The following EPB41 variants were observed in gnomAD, a reference collection of about 807,000 sequenced individuals.
EPB41 encodes erythrocyte membrane protein band 4.1, also known as protein 4.1.
Under a neutral mutation model 108.0 loss-of-function variants are expected in EPB41, and 65 were observed. That is an observed-to-expected ratio of 0.60 (90% confidence interval 0.49 to 0.74). The LOEUF (loss-of-function observed/expected upper bound fraction) is 0.74. Among genes scored for constraint, EPB41 ranks in the 30% least tolerant of loss-of-function variants. The probability of loss-of-function intolerance (pLI) is 0.00; values close to 1 mark genes in which losing one functional copy is unlikely to be tolerated. For synonymous variants in EPB41, 336 were observed against 358.9 expected, an observed-to-expected ratio of 0.94 and a Z score of 0.72; for missense variants, 875 against 1,037.0, an observed-to-expected ratio of 0.84 and a Z score of 2.15.
intron 14 of EPB41, among the ~76,000 whole-genome samples, chr1:29,059,764 T>G (rs1646183825): frequency 6.6e-6 from 1 of 151,928 alleles, no homozygotes; most frequent in African/African-American, 2.4e-5. Flanking sequence ...GGTGACAGAG[T>G]AAGACCCTGT....
chr1:29,066,361 G>A (rs1181854144), intron 16 of EPB41, among the ~76,000 whole-genome samples: 1 of 151,830 alleles, frequency 6.6e-6, no homozygotes, highest in African/African-American at 2.4e-5. Context: ...GGAGATTGCA[G>A]TGAGCCGAGA....
chr1:28,951,641 C>A (rs1303974332), intron 1 of EPB41, among the ~76,000 whole-genome samples: 1 of 152,078 alleles, frequency 6.6e-6, no homozygotes, highest in Admixed American at 6.5e-5. Flanking sequence ...ATTACTTGAG[C>A]TCACAAGTTT....
intron 4 of EPB41, 51 bp from the exon 5 acceptor site, chr1:29,011,811 CTGT>C: frequency 6.2e-7 from 1 of 1,600,134 alleles, no homozygotes; most frequent in South Asian, 1.1e-5. Context: ...TTCCAGTACT[CTGT>C]TGTTTATGTG....
intron 16 of EPB41, chr1:29,065,635 G>A (rs1043318318): frequency 6.6e-6 from 1 of 152,452 alleles, no homozygotes; most frequent in African/African-American, 2.4e-5. Context: ...AGGCCCCTAA[G>A]CCAGAGAATT....
intron 1 of EPB41, among the ~76,000 whole-genome samples, chr1:28,967,267 C>G (rs2095381987): frequency 6.6e-6 from 1 of 152,184 alleles, no homozygotes; most frequent in East Asian, 1.9e-4. Context: ...ATCCACCCGC[C>G]TTGGCCTCCC....
Position 29,112,418 on chromosome 1 carries a change from C to T in EPB41, c.2466C>T (p.Ile822=). The T allele has an allele frequency of 6.2e-7, 1 of 1,613,772 alleles. No homozygotes were observed. Among genetic ancestry groups the T allele is most frequent in the Non-Finnish European group, 8.5e-7 (1 of 1,179,904 alleles). The change falls in exon 19 of 21, where the codon ATC becomes ATT. Residue 822 remains isoleucine, a synonymous_variant. Coordinates refer to ENST00000343067, the MANE Select transcript of EPB41 (RefSeq NM_001376013.1). Reference sequence around the variant, plus strand: ...CACGTATTGAAAAGAGAATTGTGATCACAGGAGATGCTGATATTGACCATG... The same window carrying T: ...CACGTATTGAAAAGAGAATTGTGATTACAGGAGATGCTGATATTGACCATG... The part of the protein sequence containing the change: ...SETRIEKRIV[I]TGDADIDHDQ...
chr1:29,003,752 AGG>A (rs1323216536), intron 4 of EPB41, among the ~76,000 whole-genome samples: 1 of 152,172 alleles, frequency 6.6e-6, no homozygotes, highest in Admixed American at 6.5e-5. Context: ...GCCTATTGCT[AGG>A]GTCTGGCAAG....
intron 11 of EPB41, among the ~76,000 whole-genome samples, chr1:29,047,253 CTTTTTT>C (rs755248112): frequency 9.9e-6 from 1 of 100,530 alleles, no homozygotes; most frequent in African/African-American, 5.1e-5. Context: ...TCTTTCTTTC[CTTTTTT>C]TTTTTTTTTT....
Position 29,043,237 on chromosome 1 carries a change from G to A in EPB41, c.1636+3811G>A, listed in dbSNP as rs1388271909. 2.6e-5 allele frequency among the ~76,000 whole-genome samples: 4 copies of A among 152,186 alleles called. No homozygotes were observed. The East Asian group carries it at 5.8e-4, about 22-fold the overall frequency. ...ATTAAGGAGTATTTCAGATTGGATG[G>A]TCCAATCTAATTTAGAAGGCTTCTT... On this transcript the variant is annotated intron_variant, in intron 11 of 20. Transcript: ENST00000343067.
chr1:29,028,554 A>G (rs1029976579), intron 7 of EPB41, among the ~76,000 whole-genome samples: 3 of 152,190 alleles, frequency 2.0e-5, no homozygotes, highest in African/African-American at 7.2e-5. Flanking sequence ...GGAGGGAGAC[A>G]CTGGCTGGCC....
chr1:29,024,793 A>G (rs565951815), intron 7 of EPB41, among the ~76,000 whole-genome samples: 5 of 152,166 alleles, frequency 3.3e-5, no homozygotes, highest in South Asian at 2.1e-4. Context: ...GGACAAATGG[A>G]TATAGTTCAG....
intron 12 of EPB41, among the ~76,000 whole-genome samples, chr1:29,056,821 C>T (rs1385347361): frequency 1.3e-5 from 2 of 152,150 alleles, no homozygotes; most frequent in East Asian, 1.9e-4. Flanking sequence ...CCACCGTACC[C>T]GGCTGGCCTC....
chr1:29,061,505 G>A (rs1034729425), intron 15 of EPB41, among the ~76,000 whole-genome samples: 3 of 149,910 alleles, frequency 2.0e-5, no homozygotes, highest in South Asian at 2.1e-4. Context: ...TCCTGACCTC[G>A]TGATTCGCCC....
At chr1:28,922,626 ATT>A (rs11353802) in intron 1 of EPB41, among the ~76,000 whole-genome samples, 266 of 127,224 alleles carry the variant, frequency 2.1e-3, no homozygotes, top group Admixed American at 4.3e-3. Flanking sequence ...TAGAGACAGG[ATT>A]TTTTTTTTTT....
chr1:29,056,193 C>T (rs1374818902), intron 12 of EPB41, among the ~76,000 whole-genome samples: 1 of 149,008 alleles, frequency 6.7e-6, no homozygotes, highest in Non-Finnish European at 1.5e-5. Flanking sequence ...GAGATCGCGC[C>T]GCTGCACTCC....
chr1:28,954,988 G>A (rs1282788803), intron 1 of EPB41, among the ~76,000 whole-genome samples: 2 of 152,092 alleles, frequency 1.3e-5, no homozygotes, highest in East Asian at 3.8e-4. Flanking sequence ...AATCACAACA[G>A]CATCTACATA....
At chr1:29,093,799 G>T (rs1356468532) in intron 16 of EPB41, among the ~76,000 whole-genome samples, 2 of 152,164 alleles carry the variant, frequency 1.3e-5, no homozygotes. Flanking sequence ...CAGCTACTCT[G>T]GAGGCTGACG....
rs146022032 is a variant in EPB41, at chr1:28,905,124, G to A, written c.-8+17914G>A. ...TGAGGCATGAGACTAGCTAGAACCCGGGAGATGGAGGTTGCAGTGAGGCGA... is the reference window on the plus strand; with the variant it reads ...TGAGGCATGAGACTAGCTAGAACCCAGGAGATGGAGGTTGCAGTGAGGCGA... On this transcript the variant is annotated intron_variant, in intron 1 of 16. Transcript: ENST00000347529. Among the ~76,000 whole-genome samples the A allele has an allele frequency of 6.7e-3, 1,011 of 151,974 alleles. 10 individuals are homozygous for A. Among genetic ancestry groups the A allele is most frequent in the African/African-American group, 0.019 (798 of 41,414 alleles).
At chr1:29,074,886 C>T (rs368533594) in intron 16 of EPB41, among the ~76,000 whole-genome samples, 15 of 152,246 alleles carry the variant, frequency 9.9e-5, no homozygotes, top group Admixed American at 7.2e-4. Context: ...TGTCCAGGCG[C>T]GGTGGCTCAC....
Sources: gnomAD v4.1 joint callset for allele counts (sites outside exome capture counted in the v4.1 genomes callset) on GRCh38, gnomAD v4.1.1 for gene constraint, MANE v1.5 for transcripts, NCBI Gene and HGNC (gene_info 2026-07-23, HGNC 2026-07-21) for gene names.